RBFOX1: variants seen among roughly 807,000 people sequenced by gnomAD.
RBFOX1 encodes RNA binding protein fox-1 homolog 1.
RBFOX1 carries 8 observed loss-of-function variants against 57.7 expected under a neutral mutation model. That is an observed-to-expected ratio of 0.14 (90% CI 0.08 to 0.25). The LOEUF is 0.25. Ranked by LOEUF, RBFOX1 falls within the 10% of genes least tolerant of loss-of-function variation. The probability of loss-of-function intolerance (pLI) is 1.00; values close to 1 mark genes in which losing one functional copy is unlikely to be tolerated. For missense variants in RBFOX1, 611 were observed against 548.5 expected (o/e 1.11, Z -1.14); for synonymous variants, 326 against 222.4 (o/e 1.47, Z -4.15).
intron 4 of RBFOX1, among the ~76,000 whole-genome samples, chr16:5,871,164 A>G (rs940957658): frequency 6.6e-6 from 1 of 152,220 alleles, no homozygotes; most frequent in Admixed American, 6.5e-5. Context: ...CACATGAGCT[A>G]TTGAGAAACG....
At chr16:5,624,470 C>G (rs908354430) in intron 3 of RBFOX1, among the ~76,000 whole-genome samples, 1 of 152,212 alleles carries the variant, frequency 6.6e-6, no homozygotes, top group Admixed American at 6.5e-5. Flanking sequence ...GTTCTGGGAT[C>G]ACAGGCGTGA....
chr16:6,033,051 C>T (rs796295051), intron 1 of RBFOX1, among the ~76,000 whole-genome samples: 5 of 152,100 alleles, frequency 3.3e-5, no homozygotes, highest in African/African-American at 9.6e-5. Flanking sequence ...ATGGCCTTGT[C>T]GTTTGTCATC....
chr16:7,443,357 C>T (rs1463178471), intron 4 of RBFOX1, among the ~76,000 whole-genome samples: 2 of 151,894 alleles, frequency 1.3e-5, no homozygotes, highest in Non-Finnish European at 2.9e-5. Context: ...CCATCCCCCT[C>T]CTGTCTCACA....
chr16:7,347,784 A>G (rs2097045826), intron 4 of RBFOX1, among the ~76,000 whole-genome samples: 1 of 152,110 alleles, frequency 6.6e-6, no homozygotes, highest in Non-Finnish European at 1.5e-5. Context: ...ACCCCCATGT[A>G]TTTGCAGCCC....
chr16:6,921,429 C>G (rs532208172), intron 3 of RBFOX1, among the ~76,000 whole-genome samples: 1 of 151,914 alleles, frequency 6.6e-6, no homozygotes, highest in Non-Finnish European at 1.5e-5. Context: ...TTCCTGTGAC[C>G]GTAAGTCTGA....
chr16:6,614,345 G>C (rs1251246817), intron 2 of RBFOX1, among the ~76,000 whole-genome samples: 4 of 152,130 alleles, frequency 2.6e-5, no homozygotes, highest in African/African-American at 4.8e-5. Context: ...ATCATGCCAG[G>C]TATGAAGAAT....
At chr16:6,173,366 C>G (rs1386387873) in intron 1 of RBFOX1, among the ~76,000 whole-genome samples, 2 of 152,138 alleles carry the variant, frequency 1.3e-5, no homozygotes, top group Non-Finnish European at 2.9e-5. Flanking sequence ...AGTGGGATAC[C>G]TGGCACATGG....
chr16:5,542,275 G>T, intron 2 of RBFOX1, among the ~76,000 whole-genome samples: 2 of 133,440 alleles, frequency 1.5e-5, no homozygotes, highest in African/African-American at 5.7e-5. Flanking sequence ...TTGAGACAGA[G>T]TCTTCCTCTG....
chr16:6,651,860 C>G (rs190823072), intron 2 of RBFOX1, among the ~76,000 whole-genome samples: 2 of 152,152 alleles, frequency 1.3e-5, no homozygotes, highest in Non-Finnish European at 2.9e-5. Flanking sequence ...TGTGGTCTCT[C>G]CATACAATGC....
intron 3 of RBFOX1, among the ~76,000 whole-genome samples, chr16:6,700,755 T>A (rs1403524623): frequency 6.6e-6 from 1 of 152,150 alleles, no homozygotes; most frequent in Non-Finnish European, 1.5e-5. Flanking sequence ...AACTCAAAAT[T>A]TCATTACTAC....
At chr16:5,271,846 A>G (rs1183003438) in intron 1 of RBFOX1, among the ~76,000 whole-genome samples, 1 of 152,160 alleles carries the variant, frequency 6.6e-6, no homozygotes, top group East Asian at 1.9e-4. Context: ...AAAATCATGC[A>G]GTATTTGTCT....
intron 13 of RBFOX1, among the ~76,000 whole-genome samples, chr16:7,674,257 C>A (rs1183969972): frequency 6.6e-6 from 1 of 152,182 alleles, no homozygotes; most frequent in Non-Finnish European, 1.5e-5. Context: ...TTTCAGGGAT[C>A]ATTTAGGCTG....
chr16:7,110,483 G>C lies in RBFOX1; in HGVS notation c.27+58385G>C, dbSNP rs546661682. Among the ~76,000 whole-genome samples, 7 of 152,278 alleles carry C rather than the reference G, an allele frequency of 4.6e-5. No individual in the cohort carries two copies. In the East Asian group the frequency reaches 1.4e-3, roughly 29 times the overall value. On this transcript the variant is annotated intron_variant, in intron 4 of 15. Transcript: ENST00000550418. ...CTTCAGCCAATTAACACAGGGCTCC[G>C]GCTTAAGGAGAGCCTGAGCACAGTA...
chr16:7,003,797 A>G (rs117055962), intron 3 of RBFOX1, among the ~76,000 whole-genome samples: 4,255 of 152,248 alleles, frequency 0.028, 111 homozygotes, highest in South Asian at 0.062. Context: ...TTTTGGGATG[A>G]GACTAAAGGA....
At chr16:7,695,671 AAT>A (rs2078586288) in intron 14 of RBFOX1, among the ~76,000 whole-genome samples, 1 of 150,512 alleles carries the variant, frequency 6.6e-6, no homozygotes, top group African/African-American at 2.4e-5. Flanking sequence ...AAAAAAAAAA[AAT>A]CCTGCTGTGC....
intron 4 of RBFOX1, among the ~76,000 whole-genome samples, chr16:5,906,959 A>G (rs555961943): frequency 6.7e-6 from 1 of 148,564 alleles, no homozygotes; most frequent in East Asian, 2.0e-4. Context: ...CTGGTCTTGA[A>G]CTCCTGACCT....
intron 1 of RBFOX1, among the ~76,000 whole-genome samples, chr16:5,328,130 G>A (rs1439730280): frequency 6.6e-6 from 1 of 152,114 alleles, no homozygotes; most frequent in Non-Finnish European, 1.5e-5. Context: ...GTTATGGGCT[G>A]AATTGTGTCC....
chr16:5,458,401 C>T (rs1003067476), intron 1 of RBFOX1, among the ~76,000 whole-genome samples: 12 of 151,920 alleles, frequency 7.9e-5, no homozygotes, highest in East Asian at 1.9e-4. Context: ...CATAGCACAG[C>T]GAGAGTTGAT....
intron 1 of RBFOX1, among the ~76,000 whole-genome samples, chr16:6,110,228 A>C (rs1315765488): frequency 1.3e-5 from 1 of 74,098 alleles, no homozygotes; most frequent in Admixed American, 1.5e-4. Flanking sequence ...TTATTCTTTT[A>C]GCTCTCTGGT....
Sources: gnomAD v4.1 joint callset for allele counts (sites outside exome capture counted in the v4.1 genomes callset) on GRCh38, gnomAD v4.1.1 for gene constraint, MANE v1.5 for transcripts, NCBI Gene and HGNC (gene_info 2026-07-23, HGNC 2026-07-21) for gene names.